The following RLIG1 variants were observed in gnomAD, a reference collection of about 807,000 sequenced individuals.
RLIG1 encodes RNA ligase 1.
At chr12:88,042,365 A>G in the RLIG1 span, 1 of 152,482 alleles carries the variant, frequency 6.6e-6, no homozygotes, top group Admixed American at 6.5e-5. Context: ...CATGAGTACA[A>G]ATCAACATTA....
At chr12:88,049,634 T>C in the RLIG1 span, 1 of 384,256 alleles carries the variant, frequency 2.6e-6, no homozygotes, top group African/African-American at 2.1e-5. Context: ...TAAGTTGTGT[T>C]CTAGTCTTTG....
the RLIG1 span, chr12:88,035,598 G>A: frequency 1.3e-6 from 2 of 1,546,744 alleles, no homozygotes; most frequent in African/African-American, 2.7e-5. Context: ...CGACTGGACC[G>A]GGCGCCGCTC....
chr12:88,040,074 T>C, the RLIG1 span: 3 of 771,878 alleles, frequency 3.9e-6, no homozygotes, highest in Non-Finnish European at 4.5e-6. Flanking sequence ...ATTAAGAAGA[T>C]TTCAGGTGAG....
At chr12:88,047,484 T>C in the RLIG1 span, among the ~76,000 whole-genome samples, 1 of 152,132 alleles carries the variant, frequency 6.6e-6, no homozygotes, top group African/African-American at 2.4e-5. Flanking sequence ...TTCACTGAAG[T>C]AAAAACTTGG....
At chr12:88,041,383 A>G in the RLIG1 span, among the ~76,000 whole-genome samples, 4 of 152,152 alleles carry the variant, frequency 2.6e-5, no homozygotes, top group Non-Finnish European at 4.4e-5. Flanking sequence ...TCTTTTGACT[A>G]TTGCGAATAA....
chr12:88,046,674 T>C, the RLIG1 span: 1 of 818,570 alleles, frequency 1.2e-6, no homozygotes, highest in South Asian at 1.9e-5. Context: ...GGTTATATTC[T>C]TTTTAAGGAA....
At chr12:88,045,708 C>T in the RLIG1 span, 1 of 1,613,190 alleles carries the variant, frequency 6.2e-7, no homozygotes, top group Non-Finnish European at 8.5e-7. Flanking sequence ...GAAATTAGTG[C>T]AGTGCCACTT....
chr12:88,044,583 GAACT>G, the RLIG1 span: 2 of 152,144 alleles, frequency 1.3e-5, no homozygotes, highest in East Asian at 1.9e-4. Flanking sequence ...TATGATTTAA[GAACT>G]AACAGGAATG....
chr12:88,043,007 C>T, the RLIG1 span: 1 of 667,206 alleles, frequency 1.5e-6, no homozygotes, highest in Non-Finnish European at 2.3e-6. Flanking sequence ...TTATATCCTT[C>T]TGTGTAATTT....
At chr12:88,043,688 G>C in the RLIG1 span, 1 of 1,612,370 alleles carries the variant, frequency 6.2e-7, no homozygotes, top group Non-Finnish European at 8.5e-7. Context: ...TGGGAACCCA[G>C]TGCCTGATGA....
the RLIG1 span, chr12:88,049,449 G>A: frequency 2.9e-6 from 3 of 1,047,780 alleles, no homozygotes; most frequent in East Asian, 5.2e-5. Flanking sequence ...GTTGCATATA[G>A]GAAATATACA....
the RLIG1 span, among the ~76,000 whole-genome samples, chr12:88,039,119 T>C: frequency 6.6e-6 from 1 of 152,170 alleles, no homozygotes; most frequent in Non-Finnish European, 1.5e-5. Flanking sequence ...ATTTATGCCT[T>C]TGTATATTTC....
chr12:88,039,789 C>T, the RLIG1 span, among the ~76,000 whole-genome samples: 2 of 152,078 alleles, frequency 1.3e-5, no homozygotes, highest in African/African-American at 4.8e-5. Flanking sequence ...TTTTGTTCAC[C>T]TCTGTATTTC....
the RLIG1 span, chr12:88,043,908 T>C: frequency 1.7e-6 from 1 of 577,690 alleles, no homozygotes; most frequent in South Asian, 2.2e-5. Flanking sequence ...AATGTCCTCT[T>C]AGGTTTAGAA....
At chr12:88,036,861 G>GA in the RLIG1 span, among the ~76,000 whole-genome samples, 1 of 151,912 alleles carries the variant, frequency 6.6e-6, no homozygotes, top group Admixed American at 6.6e-5. Context: ...TGTAACAAAT[G>GA]TAATCCATAT....
chr12:88,040,909 T>C, the RLIG1 span, among the ~76,000 whole-genome samples: 1 of 152,156 alleles, frequency 6.6e-6, no homozygotes, highest in African/African-American at 2.4e-5. Flanking sequence ...ACATTCCTTG[T>C]ATCAGGAAAT....
chr12:88,040,242 G>A, the RLIG1 span: 3 of 1,585,248 alleles, frequency 1.9e-6, no homozygotes, highest in Non-Finnish European at 8.6e-7. Context: ...GATGGAACAT[G>A]TTGTTATGTT....
chr12:88,045,483 G>GA, the RLIG1 span: 2 of 867,836 alleles, frequency 2.3e-6, no homozygotes, highest in Non-Finnish European at 1.8e-6. Context: ...TAGACACCCA[G>GA]AAAACATGAG....
chr12:88,040,113 ATCTT>A, the RLIG1 span: 1 of 1,194,224 alleles, frequency 8.4e-7, no homozygotes, highest in African/African-American at 1.5e-5. Flanking sequence ...GAGGCTATCT[ATCTT>A]AAACCGGTTT....
Sources: allele counts gnomAD v4.1 joint callset (sites outside exome capture counted in the v4.1 genomes callset), GRCh38; gene constraint gnomAD v4.1.1; transcripts MANE v1.5; gene names NCBI Gene and HGNC (gene_info 2026-07-23, HGNC 2026-07-21).